The following BMERB1 variants were observed in gnomAD, a reference collection of about 807,000 sequenced individuals.
BMERB1 encodes the protein bMERB domain-containing protein 1.
Under a neutral mutation model 23.6 loss-of-function variants are expected in BMERB1, and 12 were observed. The ratio of observed to expected loss-of-function variants is 0.51; its 90% CI spans 0.33 to 0.82. The LOEUF is 0.82. BMERB1 is among the 40% of genes least tolerant of loss of function. BMERB1 has a pLI of 0.03. For missense variants in BMERB1, 247 were observed against 255.4 expected (o/e 0.97, Z 0.22); for synonymous variants, 122 against 96.6 (o/e 1.26, Z -1.54).
At chr16:15,545,514 C>G (rs2052124971) in intron 2 of BMERB1, among the ~76,000 whole-genome samples, 1 of 152,154 alleles carries the variant, frequency 6.6e-6, no homozygotes, top group South Asian at 2.1e-4. Context: ...GAAATCAACT[C>G]TGCCTGACTC....
At chr16:15,558,098 G>T (rs2150968614) in intron 2 of BMERB1, among the ~76,000 whole-genome samples, 1 of 152,112 alleles carries the variant, frequency 6.6e-6, no homozygotes, top group Non-Finnish European at 1.5e-5. Context: ...GTGGCCCGAG[G>T]GTCAGTGGGG....
chr16:15,497,145 C>A (rs893384506), intron 1 of BMERB1, among the ~76,000 whole-genome samples: 24 of 152,116 alleles, frequency 1.6e-4, no homozygotes, highest in Admixed American at 1.3e-4. Context: ...CACAGAAGGC[C>A]GACACTGAGA....
intron 2 of BMERB1, among the ~76,000 whole-genome samples, chr16:15,563,619 C>T (rs1264336546): frequency 6.6e-6 from 1 of 152,074 alleles, no homozygotes; most frequent in African/African-American, 2.4e-5. Flanking sequence ...GGAAGCATGG[C>T]TGGGGAGGCC....
chr16:15,542,549 G>A (rs1033068004), intron 2 of BMERB1, among the ~76,000 whole-genome samples: 3 of 151,630 alleles, frequency 2.0e-5, no homozygotes, highest in African/African-American at 7.3e-5. Context: ...GGCTTTAGGA[G>A]CTCTGTGCTG....
intron 1 of BMERB1, among the ~76,000 whole-genome samples, chr16:15,506,068 C>G (rs912624290): frequency 1.3e-5 from 2 of 152,048 alleles, no homozygotes; most frequent in African/African-American, 4.8e-5. Context: ...AGTTTCATTT[C>G]TACCACTCAT....
At chr16:15,538,014 C>T (rs897960982) in intron 2 of BMERB1, among the ~76,000 whole-genome samples, 2 of 152,130 alleles carry the variant, frequency 1.3e-5, no homozygotes, top group African/African-American at 4.8e-5. Context: ...TAGTTTGACC[C>T]AAGACGAAAA....
chr16:15,445,648 A>G (rs1180137647), intron 1 of BMERB1, among the ~76,000 whole-genome samples: 1 of 152,228 alleles, frequency 6.6e-6, no homozygotes, highest in South Asian at 2.1e-4. Context: ...AGTGCTGGAG[A>G]GGATGTAGAT....
chr16:15,529,395 G>A (rs2051946140), intron 2 of BMERB1, among the ~76,000 whole-genome samples: 1 of 152,154 alleles, frequency 6.6e-6, no homozygotes, highest in Non-Finnish European at 1.5e-5. Context: ...TAAGGCACCT[G>A]ATAAACTCTG....
intron 1 of BMERB1, among the ~76,000 whole-genome samples, chr16:15,465,844 A>G (rs534419410): frequency 1.3e-5 from 2 of 152,334 alleles, no homozygotes; most frequent in African/African-American, 4.8e-5. Context: ...ATCCTGTTAT[A>G]CATTTCCTTT....
At chr16:15,533,054 T>C (rs901988289) in intron 2 of BMERB1, 1 of 455,556 alleles carries the variant, frequency 2.2e-6, no homozygotes, top group African/African-American at 2.0e-5. Flanking sequence ...TAAATAGCCA[T>C]GCATCCAGTA....
chr16:15,455,687 C>T (rs567205236), intron 1 of BMERB1, among the ~76,000 whole-genome samples: 4 of 152,196 alleles, frequency 2.6e-5, no homozygotes, highest in African/African-American at 9.6e-5. Flanking sequence ...GTCTCAAACT[C>T]CCAACCTCAG....
At chr16:15,492,859 C>T (rs1486461304) in intron 1 of BMERB1, among the ~76,000 whole-genome samples, 2 of 151,328 alleles carry the variant, frequency 1.3e-5, no homozygotes, top group Non-Finnish European at 2.9e-5. Context: ...GCGGAGGTTG[C>T]AGTGAGCTGA....
intron 3 of BMERB1, among the ~76,000 whole-genome samples, chr16:15,576,801 T>G (rs1313899353): frequency 1.3e-5 from 2 of 151,968 alleles, no homozygotes; most frequent in African/African-American, 4.8e-5. Flanking sequence ...GTTGTCTCTC[T>G]CCAAGCAGAT....
intron 1 of BMERB1, among the ~76,000 whole-genome samples, chr16:15,495,640 A>G (rs1428190925): frequency 2.0e-5 from 3 of 152,248 alleles, no homozygotes; most frequent in African/African-American, 7.2e-5. Context: ...TGCTGGGATT[A>G]CAGGCGTGAG....
At chr16:15,582,782 G>T (rs1008898040) in intron 4 of BMERB1, among the ~76,000 whole-genome samples, 2 of 152,162 alleles carry the variant, frequency 1.3e-5, no homozygotes, top group African/African-American at 4.8e-5. Flanking sequence ...AAGAGCTGGG[G>T]TGACTCGCTC....
chr16:15,539,530 T>C (rs1178920242), intron 2 of BMERB1, among the ~76,000 whole-genome samples: 1 of 152,086 alleles, frequency 6.6e-6, no homozygotes, highest in Non-Finnish European at 1.5e-5. Flanking sequence ...TTAGGCAGCA[T>C]TTAGGAAAAC....
intron 2 of BMERB1, among the ~76,000 whole-genome samples, chr16:15,550,691 A>G (rs548560458): frequency 4.6e-5 from 7 of 152,130 alleles, no homozygotes; most frequent in Non-Finnish European, 1.0e-4. Flanking sequence ...GTAAGGGGGT[A>G]TGGGAACAGA....
intron 1 of BMERB1, among the ~76,000 whole-genome samples, chr16:15,507,382 C>T (rs1473768628): frequency 6.6e-6 from 1 of 152,176 alleles, no homozygotes; most frequent in Non-Finnish European, 1.5e-5. Context: ...GCTCAGGAAG[C>T]ATGCATCTCC....
At chr16:15,559,362 G>T (rs2030355333) in intron 2 of BMERB1, among the ~76,000 whole-genome samples, 1 of 152,164 alleles carries the variant, frequency 6.6e-6, no homozygotes, top group Non-Finnish European at 1.5e-5. Flanking sequence ...GGAGGGGAAG[G>T]TCTACAACCA....
Sources: allele counts gnomAD v4.1 joint callset (sites outside exome capture counted in the v4.1 genomes callset), GRCh38; gene constraint gnomAD v4.1.1; transcripts MANE v1.5; gene names NCBI Gene and HGNC (gene_info 2026-07-23, HGNC 2026-07-21).